The following CCDC148 variants were observed in gnomAD, a reference collection of about 807,000 sequenced individuals.
CCDC148 encodes coiled-coil domain containing 148.
In CCDC148, 89 loss-of-function variants were observed where a neutral mutation model predicts 85.7. The observed-to-expected ratio is 1.04, with a 90% confidence interval of 0.87 to 1.24. CCDC148 has a LOEUF of 1.24. Ranked by LOEUF, CCDC148 falls within the 50% of genes most tolerant of loss-of-function variation. The pLI, the probability that CCDC148 is intolerant of heterozygous loss-of-function variation, is 0.00. For synonymous variants in CCDC148, 230 were observed against 213.9 expected, an observed-to-expected ratio of 1.08 and a Z score of -0.66; for missense variants, 692 against 671.7, an observed-to-expected ratio of 1.03 and a Z score of -0.33.
chr2:158,454,000 C>G (rs1688505191), intron 1 of CCDC148, among the ~76,000 whole-genome samples: 1 of 152,154 alleles, frequency 6.6e-6, no homozygotes, highest in Non-Finnish European at 1.5e-5. Flanking sequence ...TTCTGTGGAT[C>G]CTCAGGCTAG....
At position 158,415,056 on chromosome 2, in the gene CCDC148, T is replaced by C. The variant is rs182425226; in HGVS notation, c.25+41359A>G. ...ACTCAAGGTAATAAATTTGAGTCCATAGTTTGGGGCCATAATTTAAGTGTG... is the reference window on the plus strand; with the variant it reads ...ACTCAAGGTAATAAATTTGAGTCCACAGTTTGGGGCCATAATTTAAGTGTG... On this transcript the variant is annotated intron_variant, in intron 1 of 13. Coordinates refer to ENST00000283233, the MANE Select transcript of CCDC148 (RefSeq NM_138803.4). 6.1e-3 allele frequency among the ~76,000 whole-genome samples: 932 copies of C among 151,838 alleles called. 10 individuals carry two copies. The highest frequency in any genetic ancestry group is 5.7e-3 in the Admixed American group (87 of 15,256).
chr2:158,425,190 A>G (rs569014926), intron 1 of CCDC148: 47 of 530,580 alleles, frequency 8.9e-5, no homozygotes, highest in Non-Finnish European at 1.6e-4. Flanking sequence ...TGCTGGGTAT[A>G]ACTATAGGAA....
chr2:158,360,959 C>T (rs960072043), intron 1 of CCDC148, among the ~76,000 whole-genome samples: 8 of 151,742 alleles, frequency 5.3e-5, no homozygotes, highest in African/African-American at 1.2e-4. Flanking sequence ...ACTAGAATAA[C>T]CAGTTTAGAG....
intron 9 of CCDC148, among the ~76,000 whole-genome samples, chr2:158,296,989 C>T (rs961621002): frequency 7.2e-5 from 11 of 152,140 alleles, no homozygotes; most frequent in African/African-American, 2.7e-4. Flanking sequence ...CCATGGTTAA[C>T]CACAGGGAAC....
intron 1 of CCDC148, among the ~76,000 whole-genome samples, chr2:158,448,269 A>G (rs1013312846): frequency 6.6e-6 from 1 of 152,120 alleles, no homozygotes; most frequent in Non-Finnish European, 1.5e-5. Flanking sequence ...TTATAGCTTT[A>G]TAAGTTTTGA....
At chr2:158,334,779 A>G (rs1338683422) in intron 7 of CCDC148, among the ~76,000 whole-genome samples, 3 of 151,912 alleles carry the variant, frequency 2.0e-5, no homozygotes, top group Non-Finnish European at 2.9e-5. Context: ...AGTCACATAG[A>G]ACTTTCTAAT....
intron 1 of CCDC148, among the ~76,000 whole-genome samples, chr2:158,422,290 G>T (rs1175075399): frequency 6.6e-6 from 1 of 152,040 alleles, no homozygotes; most frequent in Non-Finnish European, 1.5e-5. Context: ...AACCAAAAAA[G>T]ATAATTTTAG....
At chr2:158,338,391 T>A (rs1682496272) in intron 7 of CCDC148, among the ~76,000 whole-genome samples, 1 of 152,132 alleles carries the variant, frequency 6.6e-6, no homozygotes, top group Non-Finnish European at 1.5e-5. Context: ...TTCCATTGTA[T>A]CAATTACTGC....
At chr2:158,318,241 T>C (rs1413699946) in intron 7 of CCDC148, among the ~76,000 whole-genome samples, 1 of 152,172 alleles carries the variant, frequency 6.6e-6, no homozygotes, top group African/African-American at 2.4e-5. Flanking sequence ...CAGAATCTGA[T>C]CTTCCCTGGG....
At chr2:158,337,474 T>C (rs1225543297) in intron 7 of CCDC148, among the ~76,000 whole-genome samples, 1 of 152,198 alleles carries the variant, frequency 6.6e-6, no homozygotes, top group African/African-American at 2.4e-5. Context: ...AATTGGAGAC[T>C]TAAGTGTAGT....
chr2:158,191,818 A>C (rs1471410032), intron 11 of CCDC148, among the ~76,000 whole-genome samples: 1 of 151,876 alleles, frequency 6.6e-6, no homozygotes, highest in African/African-American at 2.4e-5. Flanking sequence ...TTGGAGACAG[A>C]CAACTCTACA....
chr2:158,322,062 T>A (rs1692544428), intron 7 of CCDC148, among the ~76,000 whole-genome samples: 1 of 152,118 alleles, frequency 6.6e-6, no homozygotes, highest in South Asian at 2.1e-4. Context: ...AAACATAAAT[T>A]GTTTTTACTT....
intron 7 of CCDC148, among the ~76,000 whole-genome samples, chr2:158,326,047 T>C (rs764388374): frequency 1.5e-4 from 23 of 152,118 alleles, no homozygotes; most frequent in Admixed American, 7.2e-4. Flanking sequence ...GCTTCTCATA[T>C]CACACAGAGT....
At chr2:158,275,399 A>G (rs1048240718) in intron 9 of CCDC148, among the ~76,000 whole-genome samples, 1 of 152,242 alleles carries the variant, frequency 6.6e-6, no homozygotes, top group African/African-American at 2.4e-5. Flanking sequence ...TTTAGACAAT[A>G]TAATAGGTTT....
intron 1 of CCDC148, among the ~76,000 whole-genome samples, chr2:158,454,325 G>A: frequency 6.6e-6 from 1 of 152,204 alleles, no homozygotes; most frequent in Non-Finnish European, 1.5e-5. Context: ...AAAATCTTTG[G>A]AGGAGAGGGT....
chr2:158,272,179 A>G (rs1455089004), intron 9 of CCDC148, among the ~76,000 whole-genome samples: 2 of 152,162 alleles, frequency 1.3e-5, no homozygotes, highest in Non-Finnish European at 2.9e-5. Context: ...TCATAAGAAG[A>G]TTTATAGTGG....
At chr2:158,340,143 T>A (rs536777273) in intron 5 of CCDC148, 99 bp downstream of exon 5, 12 of 933,210 alleles carry the variant, frequency 1.3e-5, no homozygotes, top group Non-Finnish European at 1.6e-5. Flanking sequence ...TAATATTAAC[T>A]AATATACAGG....
chr2:158,210,192 A>G (rs574242118), intron 11 of CCDC148, among the ~76,000 whole-genome samples: 1 of 152,204 alleles, frequency 6.6e-6, no homozygotes, highest in Non-Finnish European at 1.5e-5. Context: ...CTTTAAACCA[A>G]CAAAGATCAA....
At chr2:158,345,039 T>C (rs182406949) in intron 3 of CCDC148, among the ~76,000 whole-genome samples, 176 bp downstream of exon 3, 12 of 152,296 alleles carry the variant, frequency 7.9e-5, no homozygotes, top group African/African-American at 2.6e-4. Flanking sequence ...ATATATTCAC[T>C]GGATTTCAGA....
Sources: gnomAD v4.1 joint callset for allele counts (sites outside exome capture counted in the v4.1 genomes callset) on GRCh38, gnomAD v4.1.1 for gene constraint, MANE v1.5 for transcripts, NCBI Gene and HGNC (gene_info 2026-07-23, HGNC 2026-07-21) for gene names.